PRKAR1A: variants seen among roughly 807,000 people sequenced by gnomAD.
The protein encoded by PRKAR1A is protein kinase cAMP-dependent type I regulatory subunit alpha.
A neutral mutation model predicts 52.0 loss-of-function variants in PRKAR1A; 3 were observed. The observed-to-expected ratio is 0.06, with a 90% CI of 0.03 to 0.15. PRKAR1A has a LOEUF of 0.15. Among genes scored for constraint, PRKAR1A ranks in the 10% least tolerant of loss-of-function variants. The probability of loss-of-function intolerance (pLI) is 1.00; values close to 1 mark genes in which losing one functional copy is unlikely to be tolerated. For synonymous variants in PRKAR1A, 188 were observed against 168.4 expected (o/e 1.12, Z -0.90); for missense variants, 240 against 477.4 (o/e 0.50, Z 4.63).
the PRKAR1A span, among the ~76,000 whole-genome samples, chr17:68,486,498 CTTCCTTCCTTCT>C: frequency 0.017 from 674 of 39,980 alleles, 3 homozygotes; most frequent in Admixed American, 0.042. Context: ...TCCTTCCTTC[CTTCCTTCCTTCT>C]TTCTTTCTTT....
At chr17:68,426,039 G>A in the PRKAR1A span, 1 of 1,581,464 alleles carries the variant, frequency 6.3e-7, no homozygotes. Flanking sequence ...TAAGCACACA[G>A]ACTGAGCCGC....
chr17:68,499,328 T>C, the PRKAR1A span, among the ~76,000 whole-genome samples: 1 of 150,778 alleles, frequency 6.6e-6, no homozygotes, highest in Non-Finnish European at 1.5e-5. Flanking sequence ...ATTCTTCTTA[T>C]ATCAGAGAGC....
chr17:68,503,441 C>T, the PRKAR1A span, among the ~76,000 whole-genome samples: 6 of 152,242 alleles, frequency 3.9e-5, no homozygotes, highest in South Asian at 6.2e-4. Context: ...TGGAAGCAAA[C>T]GAGATGTCCT....
At position 68,531,733 on chromosome 17, in the gene PRKAR1A, CT is replaced by C; in HGVS notation, c.*1286del. 9.5e-7 allele frequency: 1 copy of C among 1,055,412 alleles called. No homozygotes were observed. Among genetic ancestry groups the C allele is most frequent in the Non-Finnish European group, 1.1e-6 (1 of 869,872 alleles). The allele number at this position is 1,055,412 out of a possible 1,614,324, so 65.4% of individuals were successfully genotyped here. A position where few individuals can be genotyped will look rare whatever the true frequency, so the allele number is the denominator to read the frequency against. On this transcript the variant is annotated 3_prime_UTR_variant, in exon 11 of 11. Coordinates refer to ENST00000589228, the MANE Select transcript of PRKAR1A (RefSeq NM_002734.5). ...TCTTTCTTTTCTTTTTTAAAGTAAA[CT>C]TGTGTATTGAGTCTTAACTGTATTT...
chr17:68,474,485 A>G, the PRKAR1A span, among the ~76,000 whole-genome samples: 4 of 152,216 alleles, frequency 2.6e-5, no homozygotes. Context: ...TGTCACACAT[A>G]GTGAGAAGTC....
chr17:68,462,756 A>T, the PRKAR1A span, among the ~76,000 whole-genome samples: 1 of 152,152 alleles, frequency 6.6e-6, no homozygotes. Context: ...TAGAATTGGC[A>T]TCTTAACCTG....
chr17:68,481,500 C>T, the PRKAR1A span, among the ~76,000 whole-genome samples: 1 of 152,270 alleles, frequency 6.6e-6, no homozygotes, highest in East Asian at 1.9e-4. Flanking sequence ...GCCTAGATCC[C>T]TCACATGCAC....
intron 11 of PRKAR1A, chr17:68,539,896 G>T (rs771216880): frequency 6.2e-7 from 1 of 1,614,140 alleles, no homozygotes; most frequent in Non-Finnish European, 8.5e-7. Context: ...CTCTGGCGTT[G>T]TCAAGGTGAA....
In PRKAR1A at chr17:68,530,279, G is replaced by A; in HGVS notation, c.976G>A (p.Glu326Lys). ...TTACCCATCTTTGCTTTCTCCAGGT[G>A]AAATTGCACTACTGATGAATCGTCC... ...GRLGPSDYFG[E>K]IALLMNRPRA... Residue 326 changes from glutamate to lysine, a missense_variant and splice_region_variant, in exon 11 of 11, where the codon GAA (glutamate) becomes AAA (lysine). Around this residue, in one of 4 missense-constraint regions of PRKAR1A, gnomAD observed 107 missense variants for 290.9 expected, o/e 0.37. Transcript: ENST00000589228. 6.2e-7 allele frequency: 1 copy of A among 1,614,138 alleles called. No individual in the cohort carries two copies. The highest frequency in any genetic ancestry group is 8.5e-7 in the Non-Finnish European group (1 of 1,179,976).
intron 11 of PRKAR1A, among the ~76,000 whole-genome samples, chr17:68,548,474 G>A (rs1388683632): frequency 6.6e-6 from 1 of 151,910 alleles, no homozygotes; most frequent in Non-Finnish European, 1.5e-5. Flanking sequence ...AGGTTGCAGC[G>A]AGCTGAGATT....
At chr17:68,469,082 A>G in the PRKAR1A span, among the ~76,000 whole-genome samples, 1 of 152,186 alleles carries the variant, frequency 6.6e-6, no homozygotes, top group Non-Finnish European at 1.5e-5. Flanking sequence ...TCTCCTGAGC[A>G]GTTGAAAGAG....
chr17:68,425,891 C>A, the PRKAR1A span: 1 of 582,428 alleles, frequency 1.7e-6, no homozygotes, highest in Non-Finnish European at 3.0e-6. Flanking sequence ...ACACCTAAAG[C>A]CTACTCTGTA....
At chr17:68,420,551 A>C in the PRKAR1A span, 2 of 1,418,474 alleles carry the variant, frequency 1.4e-6, no homozygotes, top group Non-Finnish European at 2.0e-6. Flanking sequence ...TTACAAACAC[A>C]CGCTTTAGTT....
At chr17:68,516,735 AAAAC>A (rs1172344107) in intron 2 of PRKAR1A, among the ~76,000 whole-genome samples, 1 of 151,986 alleles carries the variant, frequency 6.6e-6, no homozygotes, top group Non-Finnish European at 1.5e-5. Flanking sequence ...AATTAAAAAA[AAAAC>A]AAAAACAACT....
chr17:68,439,899 G>A, the PRKAR1A span, among the ~76,000 whole-genome samples: 5 of 152,266 alleles, frequency 3.3e-5, no homozygotes, highest in African/African-American at 1.2e-4. Flanking sequence ...GCGTGTCTTT[G>A]TGGCAGAGAG....
downstream of PRKAR1A, among the ~76,000 whole-genome samples, chr17:68,538,288 C>G (rs2086154212): frequency 1.3e-5 from 2 of 152,214 alleles, no homozygotes; most frequent in African/African-American, 4.8e-5. Context: ...GTGTAAGCAG[C>G]TTAATTGACT....
chr17:68,423,090 GT>G, the PRKAR1A span, among the ~76,000 whole-genome samples: 3 of 152,278 alleles, frequency 2.0e-5, no homozygotes, highest in Non-Finnish European at 4.4e-5. This position sits in a 1 kb window ranked among gnomAD's most constrained non-coding sequence, Gnocchi z 4.4. Flanking sequence ...GCAAGCCTAT[GT>G]TTGTTCGTCA....
downstream of PRKAR1A, chr17:68,533,444 G>A: frequency 9.5e-7 from 1 of 1,047,770 alleles, no homozygotes; most frequent in Non-Finnish European, 1.2e-6. Context: ...TCTCTGGGTT[G>A]ACAGTCCTGG....
chr17:68,513,212 A>G (rs1320904055), intron 1 of PRKAR1A: 2 of 152,224 alleles, frequency 1.3e-5, no homozygotes, highest in South Asian at 2.1e-4. Flanking sequence ...TTTTGTGGTC[A>G]TGACCGTGGC....
Sources: gnomAD v4.1 joint callset for allele counts (sites outside exome capture counted in the v4.1 genomes callset) on GRCh38, gnomAD v4.1.1 for gene constraint, gnomAD v4.1.1 regional missense constraint, Gnocchi (gnomAD v3.1) non-coding constraint, MANE v1.5 for transcripts, NCBI Gene and HGNC (gene_info 2026-07-23, HGNC 2026-07-21) for gene names.